RAPGEF4: variants seen among roughly 807,000 people sequenced by gnomAD.
RAPGEF4 encodes Rap guanine nucleotide exchange factor 4.
RAPGEF4 carries 66 observed loss-of-function variants against 147.9 expected under a neutral mutation model. The observed-to-expected ratio is 0.45, with a 90% confidence interval of 0.37 to 0.55. The LOEUF is 0.55. Among genes scored for constraint, RAPGEF4 ranks in the 20% least tolerant of loss-of-function variants. The pLI is 0.00. For synonymous variants in RAPGEF4, 419 were observed against 442.7 expected, an observed-to-expected ratio of 0.95 and a Z score of 0.67; for missense variants, 1,071 against 1,257.3, an observed-to-expected ratio of 0.85 and a Z score of 2.24.
intron 3 of RAPGEF4, among the ~76,000 whole-genome samples, chr2:172,799,222 C>G: frequency 6.6e-6 from 1 of 152,168 alleles, no homozygotes; most frequent in East Asian, 1.9e-4. Context: ...CTTCTTTAAT[C>G]CTCAAGTCAA....
At chr2:172,900,473 A>G (rs1698953121) in intron 4 of RAPGEF4, among the ~76,000 whole-genome samples, 1 of 152,178 alleles carries the variant, frequency 6.6e-6, no homozygotes, top group African/African-American at 2.4e-5. Flanking sequence ...TCCTGGCCTC[A>G]AACAATCCCC....
chr2:172,833,915 A>G (rs1690644942), intron 4 of RAPGEF4, among the ~76,000 whole-genome samples: 1 of 152,158 alleles, frequency 6.6e-6, no homozygotes, highest in Admixed American at 6.5e-5. Context: ...TTTATTGTCT[A>G]CTGCTTCTCC....
chr2:172,735,944 A>C lies in RAPGEF4; in HGVS notation c.-40A>C, dbSNP rs1457791084. ...GAGGCGCAGGCAGAGCGAGCGCGGG[A>C]GGTCGCCGCAGCCAGGGACACCGCG... On this transcript the variant is annotated 5_prime_UTR_variant, in exon 1 of 31. Transcript: ENST00000397081. The C allele has an allele frequency of 7.0e-7, 1 of 1,423,636 alleles. No homozygotes were observed. Among genetic ancestry groups the C allele is most frequent in the African/African-American group, 1.5e-5 (1 of 66,868 alleles). The allele number at this position is 1,423,636 out of a possible 1,614,324, so 88.2% of individuals were successfully genotyped here. A position where few individuals can be genotyped will look rare whatever the true frequency, so the allele number is the denominator to read the frequency against.
At chr2:172,946,378 A>G (rs73030897) in intron 6 of RAPGEF4, among the ~76,000 whole-genome samples, 116 of 152,340 alleles carry the variant, frequency 7.6e-4, no homozygotes, top group African/African-American at 2.6e-3. Context: ...TAATGGAAAA[A>G]TAGGAAAAGG....
chr2:172,992,565 G>C (rs1219819973), intron 15 of RAPGEF4, among the ~76,000 whole-genome samples: 1 of 152,172 alleles, frequency 6.6e-6, no homozygotes, highest in Non-Finnish European at 1.5e-5. Context: ...CATGTCATTG[G>C]GGAATGATCA....
At chr2:173,035,323 A>G (rs1407041888) in intron 27 of RAPGEF4, among the ~76,000 whole-genome samples, 1 of 152,034 alleles carries the variant, frequency 6.6e-6, no homozygotes, top group African/African-American at 2.4e-5. Context: ...TCTGGCTAAC[A>G]TGGTGAAACC....
At chr2:172,761,128 C>CT (rs1378716534) in intron 1 of RAPGEF4, among the ~76,000 whole-genome samples, 230 of 121,172 alleles carry the variant, frequency 1.9e-3, no homozygotes, top group Admixed American at 3.7e-3. Flanking sequence ...ATTTTTTTTT[C>CT]TTTTTTTTTT....
intron 6 of RAPGEF4, among the ~76,000 whole-genome samples, chr2:172,928,810 G>A (rs1454765039): frequency 2.6e-5 from 4 of 152,062 alleles, no homozygotes; most frequent in African/African-American, 4.8e-5. Context: ...TGTAATGTTC[G>A]ATAGTTTAAT....
chr2:172,915,852 T>C (rs1298039569), intron 4 of RAPGEF4, among the ~76,000 whole-genome samples: 1 of 152,242 alleles, frequency 6.6e-6, no homozygotes, highest in Non-Finnish European at 1.5e-5. Flanking sequence ...TTTCTGTATC[T>C]GTTGAAATTT....
chr2:173,005,404 T>G (rs1405753378), intron 17 of RAPGEF4, among the ~76,000 whole-genome samples: 1 of 152,134 alleles, frequency 6.6e-6, no homozygotes, highest in South Asian at 2.1e-4. Context: ...TTTTAATAAC[T>G]CTCTTTGATT....
intron 1 of RAPGEF4, among the ~76,000 whole-genome samples, chr2:172,751,587 C>T (rs772337399): frequency 6.6e-6 from 1 of 152,124 alleles, no homozygotes; most frequent in South Asian, 2.1e-4. Flanking sequence ...GGGGAAGAGA[C>T]TGAGGGGTAG....
chr2:172,860,375 G>C (rs745538354), intron 4 of RAPGEF4: 37 of 943,534 alleles, frequency 3.9e-5, no homozygotes, highest in Non-Finnish European at 4.7e-5. Context: ...TCTTCTCTGT[G>C]TTTTCATGGA....
intron 26 of RAPGEF4, 65 bp downstream of exon 26, chr2:173,030,319 G>A: frequency 1.6e-6 from 2 of 1,286,758 alleles, no homozygotes; most frequent in Non-Finnish European, 2.3e-6. Flanking sequence ...GCTCACCAGT[G>A]AGCTTTTTAA....
chr2:172,838,330 G>A (rs1205004111), intron 4 of RAPGEF4, among the ~76,000 whole-genome samples: 1 of 152,018 alleles, frequency 6.6e-6, no homozygotes, highest in African/African-American at 2.4e-5. Context: ...ATGGTAATGG[G>A]CCATTATACC....
At chr2:172,814,451 T>C in intron 4 of RAPGEF4, 26 bp downstream of exon 4, 1 of 1,612,954 alleles carries the variant, frequency 6.2e-7, no homozygotes, top group Middle Eastern at 1.6e-4. Context: ...TCTTTGTCAA[T>C]TAATGCAGTT....
chr2:172,747,446 C>T lies in RAPGEF4; in HGVS notation c.65+11398C>T, dbSNP rs1044432449. Among the ~76,000 whole-genome samples, 6 of 152,004 alleles carry T rather than the reference C, an allele frequency of 3.9e-5. No homozygotes were observed. The East Asian group carries it at 5.8e-4, about 15-fold the overall frequency. ...ATTGTTGTATATTAGATCTCCTGAACGTATTCATCTTTTAATTTTAATTTT... is the reference window on the plus strand; with the variant it reads ...ATTGTTGTATATTAGATCTCCTGAATGTATTCATCTTTTAATTTTAATTTT... On this transcript the variant is annotated intron_variant, in intron 1 of 30. Coordinates refer to ENST00000397081, the MANE Select transcript of RAPGEF4 (RefSeq NM_007023.4).
intron 29 of RAPGEF4, among the ~76,000 whole-genome samples, chr2:173,036,962 A>G (rs551864677): frequency 1.1e-3 from 167 of 152,350 alleles, no homozygotes; most frequent in African/African-American, 3.9e-3. Context: ...GCTGAAATGC[A>G]CAAATGTTCC....
intron 3 of RAPGEF4, among the ~76,000 whole-genome samples, chr2:172,801,579 C>T (rs1468169717): frequency 1.3e-5 from 2 of 152,142 alleles, no homozygotes; most frequent in African/African-American, 4.8e-5. Flanking sequence ...CCAGCACTCA[C>T]CACACTGCCC....
At chr2:172,853,997 T>G (rs1693144434) in intron 4 of RAPGEF4, among the ~76,000 whole-genome samples, 1 of 152,062 alleles carries the variant, frequency 6.6e-6, no homozygotes, top group African/African-American at 2.4e-5. Flanking sequence ...TGTTGAGATT[T>G]CTTTATATTT....
Sources: gnomAD v4.1 joint callset for allele counts (sites outside exome capture counted in the v4.1 genomes callset) on GRCh38, gnomAD v4.1.1 for gene constraint, MANE v1.5 for transcripts, NCBI Gene and HGNC (gene_info 2026-07-23, HGNC 2026-07-21) for gene names.